Variants in ZC3H12B observed in about 807,000 individuals in gnomAD.
The protein encoded by ZC3H12B is probable ribonuclease ZC3H12B.
In ZC3H12B, 7 loss-of-function variants were observed where a neutral mutation model predicts 43.9. That is an observed-to-expected ratio of 0.16 (90% CI 0.09 to 0.30). ZC3H12B has a LOEUF of 0.30. ZC3H12B is among the 10% of genes least tolerant of loss of function. ZC3H12B has a pLI of 1.00. For synonymous variants in ZC3H12B, 222 were observed against 241.7 expected (o/e 0.92, Z 0.76); for missense variants, 475 against 670.2 (o/e 0.71, Z 3.22).
chrX:65,417,463 C>T (rs2066974700), intron 3 of ZC3H12B, among the ~76,000 whole-genome samples: 1 of 112,195 alleles, frequency 8.9e-6, no homozygotes, highest in African/African-American at 3.2e-5. Context: ...TGAAGGAGCT[C>T]TCCTATGAGT....
the ZC3H12B span, among the ~76,000 whole-genome samples, chrX:65,350,225 A>G: frequency 3.6e-5 from 4 of 111,912 alleles, no homozygotes; most frequent in Non-Finnish European, 5.6e-5. Context: ...ATAAATGTAA[A>G]CCATCACATA....
At chrX:65,078,580 T>G in the ZC3H12B span, among the ~76,000 whole-genome samples, 1 of 111,955 alleles carries the variant, frequency 8.9e-6, no homozygotes, top group African/African-American at 3.2e-5. Context: ...GACTATAGGA[T>G]TTGACAATAT....
the ZC3H12B span, among the ~76,000 whole-genome samples, chrX:65,339,699 C>T: frequency 1.8e-5 from 2 of 111,264 alleles, no homozygotes; most frequent in African/African-American, 6.5e-5. Context: ...CCTGGGACCC[C>T]AGCCTGGATT....
chrX:65,407,165 AAAG>A (rs1224732539), intron 3 of ZC3H12B, among the ~76,000 whole-genome samples: 2 of 113,148 alleles, frequency 1.8e-5, no homozygotes, highest in Admixed American at 9.2e-5. Context: ...GGAAGAAAAG[AAAG>A]AAGACCGAGG....
intron 3 of ZC3H12B, among the ~76,000 whole-genome samples, chrX:65,480,437 C>T (rs1308135931): frequency 1.8e-5 from 2 of 112,445 alleles, no homozygotes; most frequent in African/African-American, 6.5e-5. Context: ...ACCCAACTTA[C>T]CACTATTTGA....
At chrX:65,447,907 C>A (rs1265026508) in intron 3 of ZC3H12B, among the ~76,000 whole-genome samples, 1 of 111,284 alleles carries the variant, frequency 9.0e-6, no homozygotes, top group Non-Finnish European at 1.9e-5. Context: ...CAATGAGATA[C>A]CACCTTATCC....
chrX:65,044,096 T>C, the ZC3H12B span, among the ~76,000 whole-genome samples: 1 of 111,449 alleles, frequency 9.0e-6, no homozygotes, highest in African/African-American at 3.3e-5. Context: ...CAGATAATGA[T>C]AAGAGCTATA....
At chrX:65,357,787 A>C in the ZC3H12B span, among the ~76,000 whole-genome samples, 1 of 111,711 alleles carries the variant, frequency 9.0e-6, no homozygotes, top group African/African-American at 3.3e-5. Flanking sequence ...GCATCAACTA[A>C]TGTGCAAAAT....
intron 2 of ZC3H12B, among the ~76,000 whole-genome samples, chrX:65,382,419 C>G (rs1463846989): frequency 9.0e-6 from 1 of 111,301 alleles, no homozygotes; most frequent in Non-Finnish European, 1.9e-5. Context: ...ATGCTAAAAA[C>G]TCTCAATAAA....
the ZC3H12B span, chrX:65,186,178 G>A: frequency 1.8e-5 from 2 of 111,255 alleles, no homozygotes; most frequent in Non-Finnish European, 3.8e-5. Context: ...AGCCCTAGTT[G>A]CTATGGTTTT....
At chrX:65,293,326 C>A in the ZC3H12B span, among the ~76,000 whole-genome samples, 6 of 109,653 alleles carry the variant, frequency 5.5e-5, no homozygotes, top group East Asian at 5.8e-4. Context: ...AGGGATCACA[C>A]CTTGGGACAA....
rs181074776 is a variant in ZC3H12B, at chrX:65,474,265, T to C, written n.408-14381T>C. 1.6e-4 allele frequency among the ~76,000 whole-genome samples: 18 copies of C among 111,834 alleles called. No individual in the cohort carries two copies. The East Asian group carries it at 2.2e-3, about 14-fold the overall frequency. On this transcript the variant is annotated intron_variant and non_coding_transcript_variant, in intron 3 of 5. Coordinates refer to the ZC3H12B transcript ENST00000617377. ...TTTTAAACATAAAATATATTTTGTC[T>C]GATATAAGTATGACCACTTCTGCTT...
the ZC3H12B span, among the ~76,000 whole-genome samples, chrX:65,088,520 CA>C: frequency 9.8e-5 from 11 of 111,768 alleles, no homozygotes; most frequent in South Asian, 3.7e-4. Flanking sequence ...AAAGGTTAAA[CA>C]TGCTACTTCT....
chrX:65,425,531 C>A (rs2067070325), intron 3 of ZC3H12B, among the ~76,000 whole-genome samples: 2 of 110,849 alleles, frequency 1.8e-5, no homozygotes, highest in Admixed American at 9.6e-5. Context: ...ACATCCTTGT[C>A]TTGTGCAAGT....
chrX:65,100,778 T>A, the ZC3H12B span, among the ~76,000 whole-genome samples: 1 of 109,533 alleles, frequency 9.1e-6, no homozygotes, highest in South Asian at 4.0e-4. Context: ...ACAAAGAGAC[T>A]TAGACTCCCA....
At chrX:65,409,556 CCACACACACACA>C (rs149933064) in intron 3 of ZC3H12B, among the ~76,000 whole-genome samples, 7 of 87,659 alleles carry the variant, frequency 8.0e-5, no homozygotes, top group Admixed American at 1.3e-4. Context: ...CCTAAAGACT[CCACACACACACA>C]CACACACACA....
At chrX:65,390,000 A>G (rs996428854) in intron 2 of ZC3H12B, among the ~76,000 whole-genome samples, 1 of 112,280 alleles carries the variant, frequency 8.9e-6, no homozygotes, top group Non-Finnish European at 1.9e-5. Context: ...AAGACTTGGA[A>G]CCAACCCAGT....
the ZC3H12B span, among the ~76,000 whole-genome samples, chrX:65,347,393 A>G: frequency 2.2e-4 from 25 of 111,953 alleles, no homozygotes; most frequent in African/African-American, 2.9e-4. Context: ...TTACAAGAAA[A>G]AAACAAACAA....
the ZC3H12B span, among the ~76,000 whole-genome samples, chrX:65,213,171 T>G: frequency 9.1e-6 from 1 of 110,120 alleles, no homozygotes; most frequent in Non-Finnish European, 1.9e-5. Context: ...ATTATATATC[T>G]AATTGTTGCT....
Sources: gnomAD v4.1 joint callset for allele counts (sites outside exome capture counted in the v4.1 genomes callset) on GRCh38, gnomAD v4.1.1 for gene constraint, MANE v1.5 for transcripts, NCBI Gene and HGNC (gene_info 2026-07-23, HGNC 2026-07-21) for gene names.